Variants in SGIP1 observed in about 807,000 individuals in gnomAD.
SGIP1 encodes SH3-containing GRB2-like protein 3-interacting protein 1.
Under a neutral mutation model 107.5 loss-of-function variants are expected in SGIP1, and 38 were observed. The observed-to-expected ratio is 0.35, with a 90% CI of 0.27 to 0.46. The LOEUF (loss-of-function observed/expected upper bound fraction) is 0.46. SGIP1 is among the 20% of genes least tolerant of loss of function. The probability of loss-of-function intolerance (pLI) is 1.00; values close to 1 mark genes in which losing one functional copy is unlikely to be tolerated. For synonymous variants in SGIP1, 365 were observed against 366.1 expected (o/e 1.00, Z 0.03); for missense variants, 929 against 1,019.5 (o/e 0.91, Z 1.21).
At chr1:66,576,879 C>G (rs1316093099) in intron 1 of SGIP1, among the ~76,000 whole-genome samples, 3 of 152,114 alleles carry the variant, frequency 2.0e-5, no homozygotes, top group Non-Finnish European at 4.4e-5. Context: ...GTATTATTGT[C>G]TTATTTTCCC....
intron 20 of SGIP1, among the ~76,000 whole-genome samples, chr1:66,729,889 C>T (rs2093929025): frequency 6.6e-6 from 1 of 152,176 alleles, no homozygotes; most frequent in Non-Finnish European, 1.5e-5. Context: ...GCAACCTCCG[C>T]CTCCTGGGTT....
rs371391596 is a variant in SGIP1, at chr1:66,719,364, A to G, written c.1701A>G (p.Thr567=). The change falls in exon 19 of 25, where the codon ACA becomes ACG. Residue 567 remains threonine, a synonymous_variant. Coordinates refer to ENST00000371037, the MANE Select transcript of SGIP1 (RefSeq NM_032291.4). The stretch of plus-strand genomic sequence containing the variant: ...CTCTCCCTGTTGCAGCAGCATTTAC[A>G]GAAACAGTCAATGCCTATTTCAAAG... ...QDTLPVAAAF[T]ETVNAYFKGA... is the part of the protein sequence containing the mutation. 2 of 1,613,502 alleles carry G rather than the reference A, an allele frequency of 1.2e-6. No individual in the cohort carries two copies. The highest frequency in any genetic ancestry group is 2.7e-5 in the African/African-American group (2 of 74,888).
At chr1:66,702,993 A>G (rs1188105640) in intron 18 of SGIP1, among the ~76,000 whole-genome samples, 1 of 152,204 alleles carries the variant, frequency 6.6e-6, no homozygotes, top group African/African-American at 2.4e-5. Context: ...GAGCCCCACA[A>G]AAAGAAGGGT....
chr1:66,555,339 T>C (rs963713857), intron 1 of SGIP1, among the ~76,000 whole-genome samples: 3 of 152,164 alleles, frequency 2.0e-5, no homozygotes, highest in African/African-American at 7.2e-5. Flanking sequence ...ATATATTTTC[T>C]GTTCTCCCAC....
At chr1:66,573,540 A>G (rs1056837490) in intron 1 of SGIP1, among the ~76,000 whole-genome samples, 1 of 152,196 alleles carries the variant, frequency 6.6e-6, no homozygotes, top group Non-Finnish European at 1.5e-5. Context: ...TGGATAAAGA[A>G]AAGGTGGTAC....
At chr1:66,716,734 T>G (rs2093267493) in intron 18 of SGIP1, among the ~76,000 whole-genome samples, 1 of 152,160 alleles carries the variant, frequency 6.6e-6, no homozygotes, top group Non-Finnish European at 1.5e-5. Context: ...ATGTGTGCTT[T>G]GCTCTGAAAA....
intron 4 of SGIP1, among the ~76,000 whole-genome samples, chr1:66,636,257 C>T (rs950834450): frequency 1.2e-4 from 18 of 152,140 alleles, no homozygotes; most frequent in African/African-American, 4.3e-4. Flanking sequence ...TGTGTGTTAC[C>T]TGTTTCATCG....
chr1:66,660,187 GAAAGAAAGAAAGAAAGAA>G (rs2081098000), intron 7 of SGIP1: 1 of 160,736 alleles, frequency 6.2e-6, no homozygotes, highest in African/African-American at 4.4e-5. Flanking sequence ...AAGAAAGAAA[GAAAGAAAGAAAGAAAGAA>G]AGAAAGAAAG....
intron 11 of SGIP1, 36 bp downstream of exon 11, chr1:66,672,031 G>A (rs761186070): frequency 2.5e-6 from 4 of 1,602,176 alleles, no homozygotes; most frequent in African/African-American, 1.3e-5. Flanking sequence ...TTTTATGCAA[G>A]GCATCATGAA....
At chr1:66,665,956 G>A (rs1248174846) in intron 8 of SGIP1, 2 of 151,314 alleles carry the variant, frequency 1.3e-5, no homozygotes, top group Non-Finnish European at 2.9e-5. Flanking sequence ...CTTTTCCTGT[G>A]CAGAAGCTCT....
chr1:66,571,541 C>T (rs1216950865), intron 1 of SGIP1, among the ~76,000 whole-genome samples: 1 of 151,942 alleles, frequency 6.6e-6, no homozygotes, highest in Non-Finnish European at 1.5e-5. Context: ...TAAAATCATT[C>T]ATCTTGATAA....
rs759152550 is a variant in SGIP1, at chr1:66,739,392, G to A, written c.2089G>A (p.Glu697Lys). 2.5e-6 allele frequency: 4 copies of A among 1,611,448 alleles called. No individual in the cohort carries two copies. The highest frequency in any genetic ancestry group is 4.5e-5 in the East Asian group (2 of 44,868). The change falls in exon 22 of 25, where the codon GAG (glutamate) becomes AAG (lysine). Residue 697 changes from glutamate (E) to lysine (K), a missense_variant. Physicochemically the swap from Glu to Lys is moderately conservative, Grantham distance 56. Transcript: ENST00000371037. ...GAACCTGGCAGTGAATTGGCGATGT[G>A]AGCCTTCAAGCACTGACCTGCGCAT... ...PLNLAVNWRCEPSSTDLRIDY... is the reference protein window; with the variant it reads ...PLNLAVNWRCKPSSTDLRIDY...
rs888231023 is a variant in SGIP1 at position 66,711,356 on chromosome 1, T to C, written c.1631-7938T>C. ...ATGATGAAGCTGAAACTCAGAGAGG[T>C]CAGATAATTTTTCAGGGTCACAGGG... On this transcript the variant is annotated intron_variant, in intron 18 of 24. Transcript: ENST00000371037. Among the ~76,000 whole-genome samples, 9 of 152,050 alleles carry C rather than the reference T, an allele frequency of 5.9e-5. No homozygotes were observed. In the South Asian group the frequency reaches 1.2e-3, roughly 21 times the overall value.
Position 66,549,161 on chromosome 1 carries a change from T to G in SGIP1, c.10+14793T>G, listed in dbSNP as rs570061511. On this transcript the variant is annotated intron_variant, in intron 1 of 24. Transcript: ENST00000371037. ...TGCCTTCCTTCCTTCCTTCCTTCCT[T>G]CCTTCCTTCCTTCCTTCCTTCCTTC... 3.4e-3 allele frequency among the ~76,000 whole-genome samples: 512 copies of G among 150,842 alleles called. 5 individuals are homozygous for G. The highest frequency in any genetic ancestry group is 1.0e-2 in the African/African-American group (407 of 40,784).
chr1:66,671,670 A>C (rs1284723666), intron 10 of SGIP1, among the ~76,000 whole-genome samples: 1 of 152,196 alleles, frequency 6.6e-6, no homozygotes, highest in Non-Finnish European at 1.5e-5. Context: ...GTGCTCTTTC[A>C]CTAAGTGCTG....
intron 1 of SGIP1, among the ~76,000 whole-genome samples, chr1:66,553,047 T>C (rs2057662907): frequency 6.6e-6 from 1 of 152,106 alleles, no homozygotes; most frequent in Non-Finnish European, 1.5e-5. Context: ...CTCTTGCACT[T>C]CCCATCTCCC....
chr1:66,603,857 C>T (rs2066326408), intron 1 of SGIP1, among the ~76,000 whole-genome samples: 1 of 152,064 alleles, frequency 6.6e-6, no homozygotes, highest in African/African-American at 2.4e-5. Flanking sequence ...TTTTAAATAG[C>T]TAGATATAAT....
chr1:66,679,650 T>G lies in SGIP1; in HGVS notation c.740-28T>G, dbSNP rs369995911. 3.1e-4 allele frequency: 493 copies of G among 1,598,004 alleles called. 1 individual carries two copies. Among genetic ancestry groups the G allele is most frequent in the Non-Finnish European group, 3.4e-4 (395 of 1,174,558 alleles). ...TATGACTTAGGAAGCACATGACCAA[T>G]GATACTTAATTTCTCATCTTTTTGC... On this transcript the variant is annotated intron_variant, in intron 13 of 24. Transcript: ENST00000371037.
chr1:66,619,201 G>A (rs2070279568), intron 1 of SGIP1, among the ~76,000 whole-genome samples: 1 of 152,168 alleles, frequency 6.6e-6, no homozygotes, highest in African/African-American at 2.4e-5. Context: ...CACAGTGAGG[G>A]ATGAGAGGCA....
Sources: gnomAD v4.1 joint callset for allele counts (sites outside exome capture counted in the v4.1 genomes callset) on GRCh38, gnomAD v4.1.1 for gene constraint, MANE v1.5 for transcripts, NCBI Gene and HGNC (gene_info 2026-07-23, HGNC 2026-07-21) for gene names.